NT5C1B: variants seen among roughly 807,000 people sequenced by gnomAD.
NT5C1B encodes cytosolic 5'-nucleotidase 1B.
A neutral mutation model predicts 57.8 loss-of-function variants in NT5C1B; 44 were observed. The ratio of observed to expected loss-of-function variants is 0.76; its 90% CI spans 0.60 to 0.98. NT5C1B has a LOEUF of 0.98. Among genes scored for constraint, NT5C1B ranks in the 50% least tolerant of loss-of-function variants. The probability of loss-of-function intolerance (pLI) is 0.00; values close to 1 mark genes in which losing one functional copy is unlikely to be tolerated. For synonymous variants in NT5C1B, 284 were observed against 282.6 expected (o/e 1.00, Z -0.05); for missense variants, 742 against 719.5 (o/e 1.03, Z -0.36).
chr2:18,567,296 CACTGTT>C (rs1333444198), intron 8 of NT5C1B, among the ~76,000 whole-genome samples: 2 of 152,170 alleles, frequency 1.3e-5, no homozygotes, highest in Non-Finnish European at 2.9e-5. Flanking sequence ...GAGCTTCAAA[CACTGTT>C]ATCCTCCAGG....
chr2:18,586,281 C>G, exon 3 of NT5C1B: 1 of 1,614,174 alleles, frequency 6.2e-7, no homozygotes. Context: ...TGCTTCTAGG[C>G]TCATCTATGG....
exon 8 of NT5C1B, chr2:18,576,330 T>G (rs763129429): frequency 4.3e-6 from 7 of 1,613,562 alleles, no homozygotes; most frequent in Non-Finnish European, 5.9e-6. Context: ...CAGTAAGCCA[T>G]GTCTTTGGCT....
chr2:18,567,813 G>A (rs1009498307), intron 8 of NT5C1B, among the ~76,000 whole-genome samples: 1 of 152,086 alleles, frequency 6.6e-6, no homozygotes, highest in Admixed American at 6.5e-5. Context: ...ATATAACAGA[G>A]GGAATTGAAA....
intron 2 of NT5C1B, chr2:18,586,743 T>A: frequency 4.6e-6 from 3 of 645,776 alleles, no homozygotes; most frequent in Non-Finnish European, 7.7e-6. Flanking sequence ...TAACAGATGC[T>A]GAAACAATAT....
Position 18,584,706 on chromosome 2 carries a change from G to A in NT5C1B, c.531C>T (p.Arg177=). 6.2e-7 allele frequency: 1 copy of A among 1,612,652 alleles called. No individual in the cohort carries two copies. The highest frequency in any genetic ancestry group is 8.5e-7 in the Non-Finnish European group (1 of 1,179,236). Reference sequence around the variant, plus strand: ...AGGACTTCCACTCGGTGGGGGACGTGCGCGAATATTCCAGCGGCTGCGAGT... The same window carrying A: ...AGGACTTCCACTCGGTGGGGGACGTACGCGAATATTCCAGCGGCTGCGAGT... Residue 177 remains arginine (R), a synonymous_variant, in exon 4 of 9, where the codon CGC becomes CGT. Coordinates refer to ENST00000304081, the Ensembl canonical transcript of NT5C1B. This position sits in a 1 kb window ranked among gnomAD's most constrained non-coding sequence, Gnocchi z 5.8.
At chr2:18,583,883 C>G (rs915514841) in intron 5 of NT5C1B, 1 of 816,720 alleles carries the variant, frequency 1.2e-6, no homozygotes, top group East Asian at 2.7e-5. Flanking sequence ...CATACCAAAT[C>G]TAGGGCTGTG....
chr2:18,576,949 G>C, intron 6 of NT5C1B, 54 bp from the exon 7 acceptor site: 1 of 1,603,310 alleles, frequency 6.2e-7, no homozygotes, highest in Non-Finnish European at 8.5e-7. Flanking sequence ...ACAAAATGCC[G>C]TAAATCCAAG....
At position 18,587,606 on chromosome 2, in the gene NT5C1B, C is replaced by CA. The variant is rs1395713191; in HGVS notation, c.31-15dup. On this transcript the variant is annotated splice_polypyrimidine_tract_variant and intron_variant, in intron 1 of 8. Coordinates refer to ENST00000304081, the Ensembl canonical transcript of NT5C1B. ...TCCAGGCTCATTCTTGACAAGGAAA[C>CA]AAAGAATGTTTATTAATTTTTAATC... 6.2e-7 allele frequency: 1 copy of CA among 1,603,958 alleles called. No homozygotes were observed. The highest frequency in any genetic ancestry group is 8.5e-7 in the Non-Finnish European group (1 of 1,178,090).
chr2:18,584,184 T>C lies in NT5C1B; in HGVS notation c.795A>G (p.Lys265=), dbSNP rs1285553684. ...TTTCCAGACCCTCTTGCTCGTAGAT[T>C]TTCCTGCCGTCCACCATGTTGAAGA... Residue 265 remains lysine, a synonymous_variant, in exon 5 of 9, where the codon AAA becomes AAG. Coordinates refer to ENST00000304081, the Ensembl canonical transcript of NT5C1B. The surrounding 1 kb of genome is among the most constrained non-coding windows in gnomAD (Gnocchi z 5.8). 1.2e-6 allele frequency: 2 copies of C among 1,614,160 alleles called. No homozygotes were observed. Among genetic ancestry groups the C allele is most frequent in the South Asian group, 2.2e-5 (2 of 91,082 alleles).
intron 8 of NT5C1B, among the ~76,000 whole-genome samples, chr2:18,568,950 C>T (rs1456335279): frequency 1.3e-5 from 2 of 152,238 alleles, no homozygotes; most frequent in Non-Finnish European, 2.9e-5. Flanking sequence ...CCTCCTGAGG[C>T]TGTGCCATGC....
intron 8 of NT5C1B, among the ~76,000 whole-genome samples, chr2:18,564,688 T>A (rs1664482246): frequency 6.6e-6 from 1 of 152,232 alleles, no homozygotes; most frequent in Non-Finnish European, 1.5e-5. Context: ...TCTTATTTTT[T>A]AAAACAATAG....
intron 8 of NT5C1B, among the ~76,000 whole-genome samples, chr2:18,564,416 AC>A (rs1199299195): frequency 6.6e-6 from 1 of 152,258 alleles, no homozygotes; most frequent in Non-Finnish European, 1.5e-5. Context: ...AGCCAGGACA[AC>A]AGACATAAAC....
chr2:18,577,952 A>G (rs746273235), intron 6 of NT5C1B, among the ~76,000 whole-genome samples: 1 of 152,180 alleles, frequency 6.6e-6, no homozygotes, highest in Non-Finnish European at 1.5e-5. Flanking sequence ...CCACAGAAAT[A>G]GTAAAACAAA....
intron 8 of NT5C1B, among the ~76,000 whole-genome samples, chr2:18,570,181 T>C (rs1480948708): frequency 6.6e-6 from 1 of 151,958 alleles, no homozygotes; most frequent in African/African-American, 2.4e-5. Context: ...TCTATCAAAA[T>C]TTGTGGGATG....
At chr2:18,568,565 T>C (rs1219590463) in intron 8 of NT5C1B, among the ~76,000 whole-genome samples, 1 of 152,210 alleles carries the variant, frequency 6.6e-6, no homozygotes, top group Non-Finnish European at 1.5e-5. Flanking sequence ...TTTTGCCTCA[T>C]CCTTATTTAC....
At position 18,584,800 on chromosome 2, in the gene NT5C1B, C is replaced by G; in HGVS notation, c.437G>C (p.Ser146Thr). 6.2e-7 allele frequency: 1 copy of G among 1,613,280 alleles called. No individual in the cohort carries two copies. Among genetic ancestry groups the G allele is most frequent in the Admixed American group, 1.7e-5 (1 of 59,994 alleles). ...CTCCGGATTCTCTTGCATTTTGGTG[C>G]TGCGCCGGGAGCCAGGATCGGGCTC... The change falls in exon 4 of 9, where the codon AGC becomes ACC. Residue 146 changes from serine (S) to threonine (T), a missense_variant. By Grantham distance (58) the Ser-to-Thr change is moderately conservative. Coordinates refer to ENST00000304081, the Ensembl canonical transcript of NT5C1B. The surrounding 1 kb of genome is among the most constrained non-coding windows in gnomAD (Gnocchi z 5.8).
intron 8 of NT5C1B, among the ~76,000 whole-genome samples, chr2:18,573,572 G>A (rs1665404797): frequency 6.6e-6 from 1 of 151,946 alleles, no homozygotes; most frequent in Admixed American, 6.6e-5. Context: ...ATTGGAGATT[G>A]GAGGCTCATA....
At chr2:18,582,578 T>G (rs926930814) in intron 6 of NT5C1B, among the ~76,000 whole-genome samples, 1 of 152,206 alleles carries the variant, frequency 6.6e-6, no homozygotes. Context: ...GAAGTCAAGT[T>G]CAGAAGTGAA....
At chr2:18,580,154 G>T (rs1420923381) in intron 6 of NT5C1B, among the ~76,000 whole-genome samples, 1 of 152,182 alleles carries the variant, frequency 6.6e-6, no homozygotes, top group East Asian at 1.9e-4. Flanking sequence ...TGAGGTTGTG[G>T]TTAAAAACGA....
Sources: gnomAD v4.1 joint callset for allele counts (sites outside exome capture counted in the v4.1 genomes callset) on GRCh38, gnomAD v4.1.1 for gene constraint, Gnocchi (gnomAD v3.1) non-coding constraint, MANE v1.5 for transcripts, NCBI Gene and HGNC (gene_info 2026-07-23, HGNC 2026-07-21) for gene names.